Variants in CWF19L1 observed in about 807,000 individuals in gnomAD.
CWF19L1 encodes CWF19-like protein 1.
In CWF19L1, 60 loss-of-function variants were observed where a neutral mutation model predicts 69.7. The ratio of observed to expected loss-of-function variants is 0.86; its 90% CI spans 0.70 to 1.07. The LOEUF (loss-of-function observed/expected upper bound fraction) is 1.07. CWF19L1 is among the 50% of genes least tolerant of loss of function. The probability of loss-of-function intolerance (pLI) is 0.00; values close to 1 mark genes in which losing one functional copy is unlikely to be tolerated. For synonymous variants in CWF19L1, 209 were observed against 222.2 expected (o/e 0.94, Z 0.53); for missense variants, 591 against 638.9 (o/e 0.92, Z 0.81).
chr10:100,262,174 A>G, intron 1 of CWF19L1, 111 bp from the exon 2 acceptor site: 1 of 1,431,702 alleles, frequency 7.0e-7, no homozygotes, highest in Non-Finnish European at 9.2e-7. Context: ...GTCTCTCTGC[A>G]GTTACCTTGC....
Position 100,248,895 on chromosome 10 carries a change from T to C in CWF19L1, c.708+1353A>G, listed in dbSNP as rs566346872. 8.4e-5 allele frequency: 80 copies of C among 953,544 alleles called. No individual in the cohort carries two copies. The East Asian group carries it at 1.3e-3, about 16-fold the overall frequency. The allele number at this position is 953,544 out of a possible 1,614,324, so 59.1% of individuals were successfully genotyped here. ...AGCAGAAAAAGGCAGCCATCATCTC[T>C]GCTGAGGGCGATTCCAAGGCAGCAG... On this transcript the variant is annotated intron_variant, in intron 7 of 13. Coordinates refer to ENST00000354105, the MANE Select transcript of CWF19L1 (RefSeq NM_018294.6).
rs114806719 is a variant in CWF19L1, at chr10:100,235,554, C to T, written c.1472+113G>A. The T allele has an allele frequency of 2.5e-3, 1,675 of 670,634 alleles. 24 individuals carry two copies. Among genetic ancestry groups the T allele is most frequent in the African/African-American group, 0.025 (1,366 of 55,402 alleles). 41.5% of individuals were successfully genotyped at this position (670,634 alleles called of 1,614,324 possible). A position where few individuals can be genotyped will look rare whatever the true frequency, so the allele number is the denominator to read the frequency against. ...AAACATCTGCCCTAAGACCATGGGT[C>T]CTCTGGGGCAAGGACTGTTTACAAT... On this transcript the variant is annotated intron_variant, in intron 13 of 13. Coordinates refer to ENST00000354105, the MANE Select transcript of CWF19L1 (RefSeq NM_018294.6).
chr10:100,240,592 G>A (rs762094265), intron 10 of CWF19L1, among the ~76,000 whole-genome samples: 8 of 152,158 alleles, frequency 5.3e-5, no homozygotes, highest in Non-Finnish European at 7.4e-5. Flanking sequence ...TTGTTGCCCA[G>A]GCCCACACCC....
chr10:100,258,905 TAAAAAAA>T (rs11369357), intron 4 of CWF19L1, among the ~76,000 whole-genome samples: 2 of 121,516 alleles, frequency 1.6e-5, no homozygotes, highest in South Asian at 2.7e-4. Context: ...TAAATTCAAC[TAAAAAAA>T]AAAAAAAAAG....
At chr10:100,246,632 A>C (rs1846830140) in intron 8 of CWF19L1, among the ~76,000 whole-genome samples, 163 bp downstream of exon 8, 1 of 152,224 alleles carries the variant, frequency 6.6e-6, no homozygotes, top group Non-Finnish European at 1.5e-5. Flanking sequence ...ACAATAAAAA[A>C]CACTAAGCTT....
At chr10:100,244,000 A>G (rs570291918) in intron 9 of CWF19L1, among the ~76,000 whole-genome samples, 1 of 152,364 alleles carries the variant, frequency 6.6e-6, no homozygotes, top group South Asian at 2.1e-4. Flanking sequence ...TAGGTAACCC[A>G]CAAGTGCAAA....
At chr10:100,250,491 T>C (rs778121158) in intron 6 of CWF19L1, among the ~76,000 whole-genome samples, 159 bp from the exon 7 acceptor site, 10 of 152,312 alleles carry the variant, frequency 6.6e-5, no homozygotes, top group South Asian at 4.2e-4. Flanking sequence ...ATCCGTCTAA[T>C]AGGGCAACAA....
chr10:100,242,964 T>C (rs995342723), intron 10 of CWF19L1, among the ~76,000 whole-genome samples: 1 of 152,348 alleles, frequency 6.6e-6, no homozygotes, highest in Non-Finnish European at 1.5e-5. Context: ...GCTATTGCTA[T>C]AACAAATGTT....
At chr10:100,251,246 G>A (rs570992430) in intron 6 of CWF19L1, among the ~76,000 whole-genome samples, 4 of 152,248 alleles carry the variant, frequency 2.6e-5, no homozygotes, top group Admixed American at 1.3e-4. Flanking sequence ...TAAAATTGCC[G>A]TTACCATGCT....
chr10:100,260,530 T>A (rs1285991325), intron 3 of CWF19L1, among the ~76,000 whole-genome samples: 1 of 151,914 alleles, frequency 6.6e-6, no homozygotes, highest in Non-Finnish European at 1.5e-5. Flanking sequence ...TTATTTTATT[T>A]TTTTTTTTTT....
intron 6 of CWF19L1, among the ~76,000 whole-genome samples, chr10:100,252,095 A>C (rs993604980): frequency 2.6e-5 from 4 of 152,208 alleles, no homozygotes; most frequent in Admixed American, 2.6e-4. Flanking sequence ...AAGAAGGGAA[A>C]GAAGTTATTT....
chr10:100,264,938 T>G (rs1406656473), intron 1 of CWF19L1, among the ~76,000 whole-genome samples: 1 of 151,646 alleles, frequency 6.6e-6, no homozygotes, highest in Non-Finnish European at 1.5e-5. Flanking sequence ...CTGGGTAACA[T>G]AGCAAAACCC....
chr10:100,232,932 C>T lies in CWF19L1; in HGVS notation c.*295G>A, dbSNP rs1490250696. 1 of 189,774 alleles carries T rather than the reference C, an allele frequency of 5.3e-6. No individual in the cohort carries two copies. The highest frequency in any genetic ancestry group is 1.1e-5 in the Non-Finnish European group (1 of 92,620). 11.8% of individuals were successfully genotyped at this position (189,774 alleles called of 1,614,324 possible). ...AGCCAAGGCAGAGGATCCCTTGAGC[C>T]TAGGCATTACAGACCAGCCTGGGCA... On this transcript the variant is annotated 3_prime_UTR_variant, in exon 14 of 14. Transcript: ENST00000354105.
chr10:100,234,085 A>G (rs781109608), intron 13 of CWF19L1: 9 of 152,132 alleles, frequency 5.9e-5, no homozygotes, highest in Admixed American at 3.3e-4. Flanking sequence ...ATTGCTTTAT[A>G]TTTTTATTTT....
chr10:100,253,795 T>G, intron 5 of CWF19L1: 1 of 371,462 alleles, frequency 2.7e-6, no homozygotes, highest in Non-Finnish European at 4.8e-6. Context: ...TCCATATCAA[T>G]ACCCAAAACA....
Position 100,248,013 on chromosome 10 carries a change from G to C in CWF19L1, c.709-1078C>G, listed in dbSNP as rs138502255. On this transcript the variant is annotated intron_variant, in intron 7 of 13. Transcript: ENST00000354105. ...AAAGTTTTTAGATGAATTTAACAATGCTTGCCAAATTTTATAATGTGCACA... is the reference window on the plus strand; with the variant it reads ...AAAGTTTTTAGATGAATTTAACAATCCTTGCCAAATTTTATAATGTGCACA... 2.7e-3 allele frequency among the ~76,000 whole-genome samples: 413 copies of C among 152,244 alleles called. 2 individuals carry two copies. The highest frequency in any genetic ancestry group is 9.5e-3 in the African/African-American group (394 of 41,548).
chr10:100,236,934 A>T lies in CWF19L1; in HGVS notation c.1290T>A (p.Asp430Glu). 6.2e-7 allele frequency: 1 copy of T among 1,610,582 alleles called. No homozygotes were observed. The highest frequency in any genetic ancestry group is 8.5e-7 in the Non-Finnish European group (1 of 1,178,440). Residue 430 changes from aspartate to glutamate, a missense_variant, in exon 12 of 14, where the codon GAT (aspartate) becomes GAA (glutamate). Coordinates refer to ENST00000354105, the MANE Select transcript of CWF19L1 (RefSeq NM_018294.6). ...GGGTAATGAAGGCATCTTTAATGTCATCAGTAGTAGAGCAGCTGATTGGGA... is the reference window on the plus strand; with the variant it reads ...GGGTAATGAAGGCATCTTTAATGTCTTCAGTAGTAGAGCAGCTGATTGGGA... ...IPVPISCSTT[D>E]DIKDAFITQA...
At chr10:100,248,736 CT>C in intron 7 of CWF19L1, 1 of 1,216,668 alleles carries the variant, frequency 8.2e-7, no homozygotes. Context: ...AAGCAGCCAC[CT>C]TTGGGCTCAT....
At chr10:100,257,287 C>CTTTTTTTTTTTTTTTT in intron 4 of CWF19L1, among the ~76,000 whole-genome samples, 1 of 105,826 alleles carries the variant, frequency 9.4e-6, no homozygotes, top group Non-Finnish European at 1.8e-5. Context: ...AGTGCTTTAC[C>CTTTTTTTTTTTTTTTT]TTTTTTTTTT....
Sources: gnomAD v4.1 joint callset for allele counts (sites outside exome capture counted in the v4.1 genomes callset) on GRCh38, gnomAD v4.1.1 for gene constraint, MANE v1.5 for transcripts, NCBI Gene and HGNC (gene_info 2026-07-23, HGNC 2026-07-21) for gene names.